Variants in NSF observed in about 807,000 individuals in gnomAD.
The protein encoded by NSF is vesicle-fusing ATPase.
In NSF, 14 loss-of-function variants were observed where a neutral mutation model predicts 50.3. The observed-to-expected ratio is 0.28, with a 90% CI of 0.18 to 0.44. NSF has a LOEUF of 0.44. Ranked by LOEUF, NSF falls within the 20% of genes least tolerant of loss-of-function variation. The probability of loss-of-function intolerance (pLI) is 1.00; values close to 1 mark genes in which losing one functional copy is unlikely to be tolerated. For synonymous variants in NSF, 109 were observed against 175.7 expected, an observed-to-expected ratio of 0.62 and a Z score of 3.00; for missense variants, 218 against 504.3, an observed-to-expected ratio of 0.43 and a Z score of 5.44.
intron 17 of NSF, among the ~76,000 whole-genome samples, chr17:46,741,836 G>A (rs545826428): frequency 6.6e-6 from 1 of 152,208 alleles, no homozygotes; most frequent in Admixed American, 6.5e-5. Context: ...GCGCCATCTC[G>A]GCTCACTGCA....
intron 17 of NSF, among the ~76,000 whole-genome samples, chr17:46,739,026 A>G (rs971910309): frequency 3.3e-5 from 5 of 151,832 alleles, no homozygotes; most frequent in African/African-American, 1.2e-4. Flanking sequence ...GCTTGAGTCC[A>G]GGACTTCTAG....
chr17:46,684,536 A>C (rs1180834930), intron 9 of NSF, among the ~76,000 whole-genome samples: 1 of 152,074 alleles, frequency 6.6e-6, no homozygotes, highest in African/African-American at 2.4e-5. Flanking sequence ...ACAGCATGGT[A>C]CTGTTACCAA....
At chr17:46,751,842 G>A (rs1555679891) in intron 19 of NSF, among the ~76,000 whole-genome samples, 1 of 152,152 alleles carries the variant, frequency 6.6e-6, no homozygotes, top group Non-Finnish European at 1.5e-5. Context: ...TATAAAGTTA[G>A]TTTTCATTTA....
At chr17:46,718,454 CAT>C (rs1234001627) in intron 15 of NSF, among the ~76,000 whole-genome samples, 2 of 152,182 alleles carry the variant, frequency 1.3e-5, no homozygotes, top group Non-Finnish European at 2.9e-5. Flanking sequence ...TTGATCGTTA[CAT>C]GTTTTATACT....
At chr17:46,605,421 C>T (rs1324690066) in intron 1 of NSF, among the ~76,000 whole-genome samples, 4 of 144,138 alleles carry the variant, frequency 2.8e-5, no homozygotes, top group Non-Finnish European at 6.1e-5. Flanking sequence ...GCATGCCAGC[C>T]TGGGCAACAA....
chr17:46,667,996 C>CCCT (rs1270028334), intron 8 of NSF, among the ~76,000 whole-genome samples: 1 of 142,418 alleles, frequency 7.0e-6, no homozygotes, highest in East Asian at 1.9e-4. Flanking sequence ...CTTTAGCAGC[C>CCCT]TTGCTCCTCA....
At chr17:46,755,488 C>A in intron 20 of NSF, 119 bp downstream of exon 20, 1 of 924,362 alleles carries the variant, frequency 1.1e-6, no homozygotes, top group Non-Finnish European at 1.7e-6. Context: ...GAATTCTTCG[C>A]TGTGTTGTAG....
intron 15 of NSF, among the ~76,000 whole-genome samples, chr17:46,714,797 A>G (rs1438145213): frequency 2.0e-5 from 3 of 151,998 alleles, no homozygotes; most frequent in East Asian, 1.9e-4. Flanking sequence ...TCTTTTTTTC[A>G]TGCTTGATCT....
intron 15 of NSF, among the ~76,000 whole-genome samples, chr17:46,715,721 G>A (rs992617834): frequency 1.3e-5 from 2 of 152,082 alleles, no homozygotes; most frequent in African/African-American, 4.8e-5. Context: ...ACTTGAAGGG[G>A]GAAGGTAATA....
intron 17 of NSF, among the ~76,000 whole-genome samples, chr17:46,747,082 C>G (rs934014515): frequency 6.6e-6 from 1 of 152,166 alleles, no homozygotes; most frequent in Non-Finnish European, 1.5e-5. Context: ...TCAGCCAGGT[C>G]TTACCTGATC....
intron 19 of NSF, 68 bp downstream of exon 19, chr17:46,751,684 T>C: frequency 1.1e-6 from 1 of 889,414 alleles, no homozygotes; most frequent in Non-Finnish European, 1.7e-6. Flanking sequence ...GAGGGTTCAG[T>C]ATTTCCTTTG....
intron 12 of NSF, among the ~76,000 whole-genome samples, chr17:46,699,402 G>GACACACACACACAC (rs4061825): frequency 2.0e-5 from 3 of 148,210 alleles, no homozygotes; most frequent in African/African-American, 7.4e-5. Flanking sequence ...ATAAACTGAG[G>GACACACACACACAC]ACACACACAC....
At chr17:46,727,160 G>C (rs1382393456) in intron 16 of NSF, among the ~76,000 whole-genome samples, 2 of 152,142 alleles carry the variant, frequency 1.3e-5, no homozygotes, top group Admixed American at 6.5e-5. Context: ...AAAAAATTTT[G>C]TAAGTTAAAA....
intron 13 of NSF, among the ~76,000 whole-genome samples, chr17:46,707,219 A>G (rs1258630284): frequency 1.3e-5 from 2 of 152,170 alleles, no homozygotes; most frequent in East Asian, 3.8e-4. Context: ...TTTGCATTTT[A>G]GTTATTAGAG....
chr17:46,708,141 C>T (rs958905198), intron 13 of NSF, among the ~76,000 whole-genome samples: 2 of 152,012 alleles, frequency 1.3e-5, no homozygotes, highest in African/African-American at 2.4e-5. Flanking sequence ...TTGAGTAATG[C>T]TGTCATTAGC....
intron 17 of NSF, among the ~76,000 whole-genome samples, chr17:46,741,194 T>C (rs2059067437): frequency 6.6e-6 from 1 of 152,170 alleles, no homozygotes; most frequent in Non-Finnish European, 1.5e-5. Flanking sequence ...TCACCCCAGG[T>C]TTCTCATCTG....
chr17:46,741,475 A>C (rs2059071305), intron 17 of NSF, among the ~76,000 whole-genome samples: 1 of 152,210 alleles, frequency 6.6e-6, no homozygotes, highest in African/African-American at 2.4e-5. Flanking sequence ...GTAGACTAAG[A>C]ATTTGCTTCA....
chr17:46,609,827 C>CT (rs147645851), intron 1 of NSF, among the ~76,000 whole-genome samples: 36,910 of 123,190 alleles, frequency 0.3, 3,243 homozygotes, highest in African/African-American at 0.37. Context: ...CTCACTGTTT[C>CT]TTTTTTTTTT....
intron 18 of NSF, 143 bp from the exon 19 acceptor site, chr17:46,751,360 C>A: frequency 1.5e-6 from 1 of 651,750 alleles, no homozygotes; most frequent in Non-Finnish European, 2.7e-6. Flanking sequence ...GAAGGTCAGA[C>A]TGGATTTTAA....
Sources: allele counts gnomAD v4.1 joint callset (sites outside exome capture counted in the v4.1 genomes callset), GRCh38; gene constraint gnomAD v4.1.1; transcripts MANE v1.5; gene names NCBI Gene and HGNC (gene_info 2026-07-23, HGNC 2026-07-21).